Variants in CELSR3 observed in about 807,000 individuals in gnomAD.
CELSR3 encodes EGF-like protein 1.
In CELSR3, 73 loss-of-function variants were observed where a neutral mutation model predicts 270.0. That is an observed-to-expected ratio of 0.27 (90% CI 0.22 to 0.33). The LOEUF is 0.33. CELSR3 is among the 10% of genes least tolerant of loss of function. The probability of loss-of-function intolerance (pLI) is 1.00; values close to 1 mark genes in which losing one functional copy is unlikely to be tolerated. For synonymous variants in CELSR3, 1,780 were observed against 1,905.4 expected, an observed-to-expected ratio of 0.93 and a Z score of 1.71; for missense variants, 3,614 against 4,533.8, an observed-to-expected ratio of 0.80 and a Z score of 5.83.
At chr3:48,648,181 G>T in intron 19 of CELSR3, 85 bp downstream of exon 19, 1 of 1,477,104 alleles carries the variant, frequency 6.8e-7, no homozygotes, top group Non-Finnish European at 9.2e-7. Context: ...CATTGGCATT[G>T]ATAGCCACAG....
In CELSR3 at chr3:48,652,542, C is replaced by G; in HGVS notation, c.5646G>C (p.Ala1882=). The change falls in exon 11 of 35, where the codon GCG becomes GCC. Residue 1882 remains alanine (A), a synonymous_variant. Coordinates refer to ENST00000164024, the MANE Select transcript of CELSR3 (RefSeq NM_001407.3). This position sits in a 1 kb window ranked among gnomAD's most constrained non-coding sequence, Gnocchi z 4.3. ...LDFSLFQDTM[A]VGSELQGLKV... ...TCAGGCCCTGCAGCTCACTCCCCACCGCCATGGTGTCCTGGAGGAAGTGGG... is the reference window on the plus strand; with the variant it reads ...TCAGGCCCTGCAGCTCACTCCCCACGGCCATGGTGTCCTGGAGGAAGTGGG... 6.2e-7 allele frequency: 1 copy of G among 1,609,568 alleles called. No individual in the cohort carries two copies. The highest frequency in any genetic ancestry group is 8.5e-7 in the Non-Finnish European group (1 of 1,177,862).
Position 48,660,961 on chromosome 3 carries a change from C to T in CELSR3, c.1674G>A (p.Val558=), listed in dbSNP as rs772353119. 1 of 1,613,940 alleles carries T rather than the reference C, an allele frequency of 6.2e-7. No homozygotes were observed. Among genetic ancestry groups the T allele is most frequent in the Admixed American group, 1.7e-5 (1 of 60,026 alleles). ...KRYVAQVRED[V]RPHTVVLRVT... is the part of the protein sequence containing the mutation. The stretch of plus-strand genomic sequence containing the variant: ...CGCGCAGCACGACTGTGTGGGGGCG[C>T]ACATCCTCGCGCACCTGCGCCACGT... The change falls in exon 1 of 35, where the codon GTG becomes GTA. Residue 558 remains valine (V), a synonymous_variant. Transcript: ENST00000164024. The surrounding 1 kb of genome is among the most constrained non-coding windows in gnomAD (Gnocchi z 5.5).
rs2047025036 is a variant in CELSR3 at position 48,641,389 on chromosome 3, T to C, written c.8960A>G (p.Gln2987Arg). 3 of 1,612,500 alleles carry C rather than the reference T, an allele frequency of 1.9e-6. No homozygotes were observed. Among genetic ancestry groups the C allele is most frequent in the East Asian group, 2.2e-5 (1 of 44,868 alleles). ...CCCACTGGTCAGGGCCGGGTCTGGC[T>C]GGTTGTTGTTAGCTGCATCCTTGCT... ...DTSKDAANNN[Q>R]PDPALTSGDE... is the part of the protein sequence containing the mutation. The change falls in exon 33 of 35, where the codon CAG (glutamine) becomes CGG (arginine). Residue 2987 changes from glutamine to arginine, a missense_variant. Coordinates refer to ENST00000164024, the MANE Select transcript of CELSR3 (RefSeq NM_001407.3). The surrounding 1 kb of genome is among the most constrained non-coding windows in gnomAD (Gnocchi z 4.8).
intron 27 of CELSR3, chr3:48,643,894 C>T (rs766207352): frequency 1.1e-4 from 70 of 616,052 alleles, no homozygotes; most frequent in Admixed American, 6.0e-4. Context: ...GTGGGGAAAA[C>T]ACAGGGGTAT....
Position 48,660,135 on chromosome 3 carries a change from A to T in CELSR3, c.2500T>A (p.Ser834Thr). 1 of 1,614,162 alleles carries T rather than the reference A, an allele frequency of 6.2e-7. No individual in the cohort carries two copies. Among genetic ancestry groups the T allele is most frequent in the Non-Finnish European group, 8.5e-7 (1 of 1,180,024 alleles). The change falls in exon 1 of 35, where the codon TCT becomes ACT. Residue 834 changes from serine to threonine, a missense_variant. Physicochemically the swap from Ser to Thr is moderately conservative, Grantham distance 58 (BLOSUM62 1). Coordinates refer to ENST00000164024, the MANE Select transcript of CELSR3 (RefSeq NM_001407.3). This position sits in a 1 kb window ranked among gnomAD's most constrained non-coding sequence, Gnocchi z 5.5. ...ERYFKLVLTA[S>T]DRALHDHCYV... is the part of the protein sequence containing the mutation. ...CAGTGATCATGAAGGGCACGGTCAG[A>T]TGCAGTTAGTACCAGCTTGAAGTAG...
Position 48,651,310 on chromosome 3 carries a change from T to C in CELSR3, c.6186+49A>G, listed in dbSNP as rs1210288134. On this transcript the variant is annotated intron_variant, in intron 14 of 34. Transcript: ENST00000164024. This position sits in a 1 kb window ranked among gnomAD's most constrained non-coding sequence, Gnocchi z 7.4. ...CGGAGGTCAGCAAGCTGGACAGGAATTGCAGATTGCGTCCAAGGAAGGGTT... is the reference window on the plus strand; with the variant it reads ...CGGAGGTCAGCAAGCTGGACAGGAACTGCAGATTGCGTCCAAGGAAGGGTT... 6 of 1,607,730 alleles carry C rather than the reference T, an allele frequency of 3.7e-6. No individual in the cohort carries two copies. The East Asian group carries it at 1.3e-4, about 36-fold the overall frequency.
Position 48,650,139 on chromosome 3 carries a change from C to A in CELSR3, c.6472+341G>T. ...ATCAGAGAAGGGCCCCTGGGGTACT[C>A]AGATAGCCAGAAGGGGCCTGCAGGG... is the stretch of plus-strand genomic sequence containing the variant. On this transcript the variant is annotated intron_variant, in intron 16 of 34. Coordinates refer to ENST00000164024, the MANE Select transcript of CELSR3 (RefSeq NM_001407.3). The surrounding 1 kb of genome is among the most constrained non-coding windows in gnomAD (Gnocchi z 5.1). 2.1e-6 allele frequency: 1 copy of A among 472,824 alleles called. No individual in the cohort carries two copies. The highest frequency in any genetic ancestry group is 4.2e-6 in the Non-Finnish European group (1 of 238,882). The allele number at this position is 472,824 out of a possible 1,614,324, so 29.3% of individuals were successfully genotyped here.
Position 48,645,539 on chromosome 3 carries a change from G to C in CELSR3, c.7701C>G (p.Leu2567=), listed in dbSNP as rs2047073071. ...TAAILLSLRS[L]KSNVRGIHAN... is the part of the protein sequence containing the mutation. ...CATGGATCCCACGCACATTGGACTTGAGGCTGCGCAGGCTCAGCAGGATGG... is the reference window on the plus strand; with the variant it reads ...CATGGATCCCACGCACATTGGACTTCAGGCTGCGCAGGCTCAGCAGGATGG... Residue 2567 remains leucine (L), a synonymous_variant, in exon 24 of 35, where the codon CTC becomes CTG. Transcript: ENST00000164024. The surrounding 1 kb of genome is among the most constrained non-coding windows in gnomAD (Gnocchi z 5.4). The C allele has an allele frequency of 6.2e-7, 1 of 1,612,604 alleles. No homozygotes were observed. Among genetic ancestry groups the C allele is most frequent in the Admixed American group, 1.7e-5 (1 of 60,002 alleles).
chr3:48,646,023 G>T lies in CELSR3; in HGVS notation c.7463+67C>A. On this transcript the variant is annotated intron_variant, in intron 22 of 34. Transcript: ENST00000164024. This position sits in a 1 kb window ranked among gnomAD's most constrained non-coding sequence, Gnocchi z 4.8. ...GCACTAGTGGGGGCCCCAGGGGAAGGCTGGGACTATTAGTTGGCCTCCCAA... is the reference window on the plus strand; with the variant it reads ...GCACTAGTGGGGGCCCCAGGGGAAGTCTGGGACTATTAGTTGGCCTCCCAA... 1.3e-6 allele frequency: 2 copies of T among 1,593,716 alleles called. No individual in the cohort carries two copies. Among genetic ancestry groups the T allele is most frequent in the East Asian group, 2.2e-5 (1 of 44,482 alleles).
chr3:48,639,723 G>A lies in CELSR3; in HGVS notation c.9862C>T (p.Pro3288Ser), dbSNP rs1389987031. 3.7e-6 allele frequency: 6 copies of A among 1,613,686 alleles called. No homozygotes were observed. Among genetic ancestry groups the A allele is most frequent in the Non-Finnish European group, 4.2e-6 (5 of 1,179,948 alleles). The change falls in exon 34 of 35, where the codon CCA becomes TCA. Residue 3288 changes from proline to serine, a missense_variant. Around this residue, in one of 7 missense-constraint regions of CELSR3, gnomAD observed 1,240 missense variants for 1,351.7 expected, o/e 0.92. Transcript: ENST00000164024. The surrounding 1 kb of genome is among the most constrained non-coding windows in gnomAD (Gnocchi z 4.1). Reference sequence around the variant, plus strand: ...ATGCTGTGAGACGTGGCAGAACGTGGCGTGGAGGGCCCAAGCACAGAGGCT... The same window carrying A: ...ATGCTGTGAGACGTGGCAGAACGTGACGTGGAGGGCCCAAGCACAGAGGCT... ...ATASVLGPSTPRSATSHSISE... is the reference protein window; with the variant it reads ...ATASVLGPSTSRSATSHSISE...
intron 34 of CELSR3, among the ~76,000 whole-genome samples, chr3:48,638,487 C>T (rs1054983058): frequency 2.0e-5 from 3 of 152,128 alleles, no homozygotes; most frequent in African/African-American, 7.2e-5. Context: ...TTTACAGATG[C>T]TATATTGAGC....
rs1025985400 is a variant in CELSR3, at chr3:48,641,984, G to T, written c.8691C>A (p.Asp2897Glu). 2 of 1,563,100 alleles carry T rather than the reference G, an allele frequency of 1.3e-6. No homozygotes were observed. The highest frequency in any genetic ancestry group is 2.8e-5 in the African/African-American group (2 of 72,594). The change falls in exon 32 of 35, where the codon GAC becomes GAA. Residue 2897 changes from aspartate to glutamate, a missense_variant. Transcript: ENST00000164024. This position sits in a 1 kb window ranked among gnomAD's most constrained non-coding sequence, Gnocchi z 4.8. The stretch of plus-strand genomic sequence containing the variant: ...GACTCCTCTCCTCCTCCAAGGACAG[G>T]TCACTGTCAGAGTCGGAGTCTGCGC... ...DAGADSDSDS[D>E]LSLEEERSLS...
intron 34 of CELSR3, among the ~76,000 whole-genome samples, chr3:48,638,898 C>T (rs2046997490): frequency 6.8e-6 from 1 of 147,910 alleles, no homozygotes; most frequent in Admixed American, 6.8e-5. Flanking sequence ...GGGCCCCCTT[C>T]CTCCCCAAGC....
chr3:48,647,048 G>C, intron 20 of CELSR3, 120 bp from the exon 21 acceptor site: 1 of 958,734 alleles, frequency 1.0e-6, no homozygotes, highest in Non-Finnish European at 1.5e-6. Context: ...ATTGGGGAGT[G>C]CAGGGAGCAT....
At position 48,644,906 on chromosome 3, in the gene CELSR3, G is replaced by A; in HGVS notation, c.7973-78C>T. 1.3e-6 allele frequency: 2 copies of A among 1,526,742 alleles called. No homozygotes were observed. The highest frequency in any genetic ancestry group is 1.8e-5 in the Admixed American group (1 of 56,060). The allele number at this position is 1,526,742 out of a possible 1,614,324, so 94.6% of individuals were successfully genotyped here. A position where few individuals can be genotyped will look rare whatever the true frequency, so the allele number is the denominator to read the frequency against. On this transcript the variant is annotated intron_variant, in intron 25 of 34. Coordinates refer to ENST00000164024, the MANE Select transcript of CELSR3 (RefSeq NM_001407.3). The surrounding 1 kb of genome is among the most constrained non-coding windows in gnomAD (Gnocchi z 4.8). ...AGCCCATGTATGGGAGAAAGCATGG[G>A]TGAGGGCAGAGCAGCAACCCCATGA...
chr3:48,641,111 G>T lies in CELSR3; in HGVS notation c.9025+213C>A. On this transcript the variant is annotated intron_variant, in intron 33 of 34. Coordinates refer to ENST00000164024, the MANE Select transcript of CELSR3 (RefSeq NM_001407.3). The surrounding 1 kb of genome is among the most constrained non-coding windows in gnomAD (Gnocchi z 4.8). ...AGGAGTGGTCGCCTGTGGTCCCCCT[G>T]TGGTGCTGGCCAGGGTAGAGGGGGA... 1 of 575,116 alleles carries T rather than the reference G, an allele frequency of 1.7e-6. No homozygotes were observed. Among genetic ancestry groups the T allele is most frequent in the South Asian group, 2.2e-5 (1 of 46,480 alleles). 35.6% of individuals were successfully genotyped at this position (575,116 alleles called of 1,614,324 possible). A position where few individuals can be genotyped will look rare whatever the true frequency, so the allele number is the denominator to read the frequency against.
In CELSR3 at chr3:48,659,162, C is replaced by A. The variant is rs61729234; in HGVS notation, c.3473G>T (p.Arg1158Leu). ...PLVSRATVHVRLVDQNDNSPV... is the reference protein window; with the variant it reads ...PLVSRATVHVLLVDQNDNSPV... Reference sequence around the variant, plus strand: ...GCTGTTGTCATTCTGGTCAACCAGGCGGACGTGCACAGTGGCCCGGCTGAC... The same window carrying A: ...GCTGTTGTCATTCTGGTCAACCAGGAGGACGTGCACAGTGGCCCGGCTGAC... The change falls in exon 1 of 35, where the codon CGC becomes CTC. Residue 1158 changes from arginine (R) to leucine (L), a missense_variant. By Grantham distance (102) the Arg-to-Leu change is moderately radical (BLOSUM62 -2). Coordinates refer to ENST00000164024, the MANE Select transcript of CELSR3 (RefSeq NM_001407.3). The surrounding 1 kb of genome is among the most constrained non-coding windows in gnomAD (Gnocchi z 8.1). The A allele has an allele frequency of 7.8e-4, 1,261 of 1,614,066 alleles. 14 individuals are homozygous for A. The highest frequency in any genetic ancestry group is 3.3e-4 in the Middle Eastern group (2 of 6,084).
At position 48,654,026 on chromosome 3, in the gene CELSR3, G is replaced by A. The variant is rs376822329; in HGVS notation, c.5153-23C>T. 38 of 1,609,330 alleles carry A rather than the reference G, an allele frequency of 2.4e-5. No individual in the cohort carries two copies. Among genetic ancestry groups the A allele is most frequent in the Middle Eastern group, 1.7e-4 (1 of 5,888 alleles). ...AGCCTGGGAGAGGAAAGCACATGGCGGACATGAGAACAAGGGTTGGGGGGC... is the reference window on the plus strand; with the variant it reads ...AGCCTGGGAGAGGAAAGCACATGGCAGACATGAGAACAAGGGTTGGGGGGC... On this transcript the variant is annotated intron_variant, in intron 7 of 34. Transcript: ENST00000164024. This position sits in a 1 kb window ranked among gnomAD's most constrained non-coding sequence, Gnocchi z 5.4.
Position 48,643,541 on chromosome 3 carries a change from G to A in CELSR3, c.8289+13C>T. 6.5e-7 allele frequency: 1 copy of A among 1,548,448 alleles called. No homozygotes were observed. Among genetic ancestry groups the A allele is most frequent in the Non-Finnish European group, 8.7e-7 (1 of 1,145,714 alleles). On this transcript the variant is annotated intron_variant, in intron 28 of 34. Coordinates refer to ENST00000164024, the MANE Select transcript of CELSR3 (RefSeq NM_001407.3). ...CACCTGGTTCTGGGGCAAGGGAGGG[G>A]CACCAGAGTCACCTGGAGGCCGCAG...
Sources: gnomAD v4.1 joint callset for allele counts (sites outside exome capture counted in the v4.1 genomes callset) on GRCh38, gnomAD v4.1.1 for gene constraint, gnomAD v4.1.1 regional missense constraint, Gnocchi (gnomAD v3.1) non-coding constraint, MANE v1.5 for transcripts, NCBI Gene and HGNC (gene_info 2026-07-23, HGNC 2026-07-21) for gene names.